RIDA: variants seen among roughly 807,000 people sequenced by gnomAD.
RIDA encodes the protein reactive intermediate imine deaminase A.
In RIDA, 17 loss-of-function variants were observed where a neutral mutation model predicts 17.8. The ratio of observed to expected loss-of-function variants is 0.96; its 90% CI spans 0.65 to 1.43. The LOEUF (loss-of-function observed/expected upper bound fraction) is 1.43. Ranked by LOEUF, RIDA falls within the 40% of genes most tolerant of loss-of-function variation. The pLI is 0.00. For missense variants in RIDA, 158 were observed against 161.7 expected (o/e 0.98, Z 0.12); for synonymous variants, 48 against 55.7 (o/e 0.86, Z 0.62).
chr8:98,116,878 C>G (rs770907191), intron 1 of RIDA, among the ~76,000 whole-genome samples, 154 bp downstream of exon 1: 47 of 152,252 alleles, frequency 3.1e-4, no homozygotes, highest in Non-Finnish European at 5.6e-4. Flanking sequence ...CCCATCGTGG[C>G]TCCCAACTCT....
intron 1 of RIDA, among the ~76,000 whole-genome samples, chr8:98,113,441 G>GT (rs899302132): frequency 4.6e-5 from 7 of 152,016 alleles, no homozygotes; most frequent in South Asian, 4.2e-4. Flanking sequence ...GTTGCAGTCT[G>GT]TTTTTTTTCT....
chr8:98,110,137 G>T (rs1008014263), intron 1 of RIDA, among the ~76,000 whole-genome samples: 10 of 152,302 alleles, frequency 6.6e-5, no homozygotes, highest in African/African-American at 2.4e-4. Flanking sequence ...AGGGCCAGGG[G>T]TGATCATAAA....
chr8:98,108,860 A>AC, intron 1 of RIDA, 109 bp from the exon 2 acceptor site: 1 of 627,420 alleles, frequency 1.6e-6, no homozygotes, highest in Non-Finnish European at 2.8e-6. Context: ...AAAAAAAAAA[A>AC]CAGATACATT....
At chr8:98,111,311 T>G (rs2130554553) in intron 1 of RIDA, among the ~76,000 whole-genome samples, 1 of 152,238 alleles carries the variant, frequency 6.6e-6, no homozygotes, top group African/African-American at 2.4e-5. Flanking sequence ...TAATTTTAAT[T>G]TAGAAGTGAA....
chr8:98,104,516 A>G lies in RIDA; in HGVS notation c.324T>C (p.Ala108=). 6.3e-7 allele frequency: 1 copy of G among 1,593,172 alleles called. No individual in the cohort carries two copies. Among genetic ancestry groups the G allele is most frequent in the Non-Finnish European group, 8.6e-7 (1 of 1,161,628 alleles). Residue 108 remains alanine, a synonymous_variant, in exon 5 of 6, where the codon GCT becomes GCC. Transcript: ENST00000254878. ...QYFKSNFPAR[A]AYQVAALPKG... is the part of the protein sequence containing the mutation. ...TGGGTAAAGCAGCAACTTGGTAAGC[A>G]GCTCTAGCAGGAAAATTACTCTTGA...
intron 1 of RIDA, 31 bp from the exon 2 acceptor site, chr8:98,108,782 G>A (rs754829088): frequency 7.2e-7 from 1 of 1,390,776 alleles, no homozygotes; most frequent in Non-Finnish European, 1.0e-6. Flanking sequence ...GTGTATTTAT[G>A]TAAGTATAAA....
intron 1 of RIDA, among the ~76,000 whole-genome samples, chr8:98,111,605 CAAA>C (rs374861980): frequency 1.5e-4 from 15 of 100,548 alleles, no homozygotes; most frequent in Admixed American, 4.0e-4. Context: ...GACTCTGTGT[CAAA>C]AAAAAAAAAA....
At chr8:98,108,836 A>T in intron 1 of RIDA, 85 bp from the exon 2 acceptor site, 1 of 752,042 alleles carries the variant, frequency 1.3e-6, no homozygotes. Flanking sequence ...AGGACAGAGA[A>T]GTATAAATTG....
chr8:98,112,779 G>A (rs1815746049), intron 1 of RIDA, among the ~76,000 whole-genome samples: 1 of 152,108 alleles, frequency 6.6e-6, no homozygotes, highest in African/African-American at 2.4e-5. Flanking sequence ...TGTGCAAAGT[G>A]CCTTCAGCTT....
intron 2 of RIDA, among the ~76,000 whole-genome samples, chr8:98,107,425 G>A (rs778115607): frequency 3.5e-4 from 54 of 152,212 alleles, no homozygotes; most frequent in South Asian, 1.9e-3. Context: ...TTGGGAGGCT[G>A]AGGCAAGAGA....
intron 1 of RIDA, among the ~76,000 whole-genome samples, chr8:98,116,428 T>C (rs1013100586): frequency 6.6e-6 from 1 of 152,140 alleles, no homozygotes; most frequent in African/African-American, 2.4e-5. Context: ...AGACCAAGTA[T>C]GAAGCTAATG....
At chr8:98,110,725 C>A (rs1815715261) in intron 1 of RIDA, among the ~76,000 whole-genome samples, 1 of 152,206 alleles carries the variant, frequency 6.6e-6, no homozygotes, top group African/African-American at 2.4e-5. Context: ...GGGTCCACTT[C>A]TGATATGGCT....
At chr8:98,113,238 G>A (rs547761406) in intron 1 of RIDA, among the ~76,000 whole-genome samples, 3 of 152,182 alleles carry the variant, frequency 2.0e-5, no homozygotes, top group Non-Finnish European at 4.4e-5. Flanking sequence ...TTCCTGAAAT[G>A]TGCTGAGCTG....
intron 4 of RIDA, among the ~76,000 whole-genome samples, chr8:98,105,716 A>G (rs1401784754): frequency 4.6e-5 from 7 of 152,204 alleles, no homozygotes; most frequent in African/African-American, 9.6e-5. Context: ...ATGGATATGT[A>G]GGATTTCAGT....
At chr8:98,116,704 A>T (rs1238085727) in intron 1 of RIDA, among the ~76,000 whole-genome samples, 1 of 152,148 alleles carries the variant, frequency 6.6e-6, no homozygotes, top group Non-Finnish European at 1.5e-5. Flanking sequence ...TACGTGAATT[A>T]TATCTCAATA....
intron 1 of RIDA, among the ~76,000 whole-genome samples, chr8:98,115,302 C>G (rs1249718376): frequency 1.4e-5 from 2 of 145,536 alleles, no homozygotes; most frequent in Admixed American, 1.4e-4. Context: ...ACATGAGAAT[C>G]ACTTGAATCT....
chr8:98,107,030 C>G (rs886735330), intron 2 of RIDA, among the ~76,000 whole-genome samples: 3 of 152,168 alleles, frequency 2.0e-5, no homozygotes, highest in African/African-American at 7.2e-5. Flanking sequence ...GTATATCCTT[C>G]TAGGTACAGT....
intron 2 of RIDA, among the ~76,000 whole-genome samples, chr8:98,108,102 A>T (rs996846857): frequency 2.0e-5 from 3 of 149,250 alleles, no homozygotes; most frequent in Admixed American, 6.8e-5. Flanking sequence ...TTTAGTAGAG[A>T]TGGGGTTTCA....
In RIDA at chr8:98,102,897, C is replaced by A. The variant is rs779193135; in HGVS notation, c.359G>T (p.Arg120Leu). 12 of 1,612,440 alleles carry A rather than the reference C, an allele frequency of 7.4e-6. No individual in the cohort carries two copies. Among genetic ancestry groups the A allele is most frequent in the South Asian group, 2.2e-5 (2 of 90,924 alleles). Residue 120 changes from arginine to leucine, a missense_variant, in exon 6 of 6, where the codon CGA (arginine) becomes CTA (leucine). Transcript: ENST00000254878. ...YQVAALPKGS[R>L]IEIEAVAIQG... The stretch of plus-strand genomic sequence containing the variant: ...GATAGCTACTGCTTCAATTTCAATT[C>A]GGCTGCCCTGTGAGGAAAATGAAAG...
Sources: allele counts gnomAD v4.1 joint callset (sites outside exome capture counted in the v4.1 genomes callset), GRCh38; gene constraint gnomAD v4.1.1; transcripts MANE v1.5; gene names NCBI Gene and HGNC (gene_info 2026-07-23, HGNC 2026-07-21).